The following VIRMA variants were observed in gnomAD, a reference collection of about 807,000 sequenced individuals.
VIRMA encodes the protein protein virilizer homolog.
Under a neutral mutation model 182.4 loss-of-function variants are expected in VIRMA, and 65 were observed. The ratio of observed to expected loss-of-function variants is 0.36; its 90% CI spans 0.29 to 0.44. The LOEUF (loss-of-function observed/expected upper bound fraction) is 0.44. Among genes scored for constraint, VIRMA ranks in the 20% least tolerant of loss-of-function variants. VIRMA has a pLI of 1.00. For missense variants in VIRMA, 1,752 were observed against 2,158.1 expected, an observed-to-expected ratio of 0.81 and a Z score of 3.73; for synonymous variants, 709 against 743.1, an observed-to-expected ratio of 0.95 and a Z score of 0.75.
At position 94,510,601 on chromosome 8, in the gene VIRMA, T is replaced by C. The variant is rs370398622; in HGVS notation, c.3442A>G (p.Ser1148Gly). The C allele has an allele frequency of 1.9e-6, 3 of 1,614,016 alleles. No individual in the cohort carries two copies. In the African/African-American group the frequency reaches 4.0e-5, roughly 22 times the overall value. The part of the protein sequence containing the change: ...SVALNTRKLW[S>G]MHLHVQAKLL... Reference sequence around the variant, plus strand: ...TTTGCTTGAACATGAAGGTGCATGCTCCACAATTTTCGGGTGTTGAGTGCC... The same window carrying C: ...TTTGCTTGAACATGAAGGTGCATGCCCCACAATTTTCGGGTGTTGAGTGCC... Residue 1148 changes from serine to glycine, a missense_variant, in exon 14 of 24, where the codon AGC (serine) becomes GGC (glycine). By Grantham distance (56) the Ser-to-Gly change is moderately conservative (BLOSUM62 0). Around this residue, in one of 11 missense-constraint regions of VIRMA, gnomAD observed 777 missense variants for 920.6 expected, o/e 0.84. Transcript: ENST00000297591.
At chr8:94,502,215 T>C (rs1029320930) in intron 16 of VIRMA, among the ~76,000 whole-genome samples, 10 of 151,992 alleles carry the variant, frequency 6.6e-5, no homozygotes, top group Non-Finnish European at 1.2e-4. Flanking sequence ...TTGCATGAAA[T>C]GTCTTTTTCA....
chr8:94,532,845 T>C (rs1815217433), intron 5 of VIRMA, among the ~76,000 whole-genome samples: 2 of 152,012 alleles, frequency 1.3e-5, no homozygotes, highest in African/African-American at 4.8e-5. Flanking sequence ...TCTATAGTCC[T>C]AGCTACTCCA....
chr8:94,538,850 G>A (rs1007770351), intron 2 of VIRMA, among the ~76,000 whole-genome samples: 1 of 152,100 alleles, frequency 6.6e-6, no homozygotes, highest in Non-Finnish European at 1.5e-5. Context: ...CTGACCTCAG[G>A]AGATTCACCC....
At chr8:94,498,160 T>C (rs1420235566) in intron 17 of VIRMA, 1 of 152,196 alleles carries the variant, frequency 6.6e-6, no homozygotes, top group Non-Finnish European at 1.5e-5. Flanking sequence ...TAGAGGCACA[T>C]GCCACCAAAC....
intron 5 of VIRMA, 112 bp from the exon 6 acceptor site, chr8:94,531,197 G>A: frequency 1.7e-6 from 2 of 1,181,998 alleles, no homozygotes; most frequent in East Asian, 2.8e-5. Flanking sequence ...AAAGCAAAGA[G>A]AGATCTAAAA....
At position 94,496,345 on chromosome 8, in the gene VIRMA, G is replaced by C; in HGVS notation, c.4366C>G (p.Leu1456Val). The C allele has an allele frequency of 6.2e-7, 1 of 1,611,812 alleles. No individual in the cohort carries two copies. The highest frequency in any genetic ancestry group is 8.5e-7 in the Non-Finnish European group (1 of 1,179,478). Reference sequence around the variant, plus strand: ...TTTTTTACCAAAACAAGCTTCTCTAGTTCAAGGAACAAATTTTCTGGACTT... The same window carrying C: ...TTTTTTACCAAAACAAGCTTCTCTACTTCAAGGAACAAATTTTCTGGACTT... ...EESPENLFLE[L>V]EKLVLEHSKD... Residue 1456 changes from leucine to valine, a missense_variant, in exon 18 of 24, where the codon CTA (leucine) becomes GTA (valine). By Grantham distance (32) the Leu-to-Val change is conservative (BLOSUM62 1). Around this residue, in one of 11 missense-constraint regions of VIRMA, gnomAD observed 777 missense variants for 920.6 expected, o/e 0.84. Transcript: ENST00000297591.
intron 16 of VIRMA, among the ~76,000 whole-genome samples, chr8:94,504,117 T>G (rs1411319101): frequency 1.3e-5 from 2 of 151,750 alleles, no homozygotes; most frequent in Admixed American, 6.6e-5. Context: ...GAGGTTGCTG[T>G]GAGCTGAGAT....
intron 18 of VIRMA, 127 bp from the exon 19 acceptor site, chr8:94,496,018 T>A: frequency 5.1e-6 from 4 of 785,868 alleles, no homozygotes; most frequent in Non-Finnish European, 7.8e-6. Context: ...CCAGAAATTA[T>A]TAACATTAAA....
intron 17 of VIRMA, chr8:94,496,772 T>C (rs1279634237): frequency 4.7e-5 from 12 of 256,206 alleles, no homozygotes; most frequent in Admixed American, 3.8e-4. Flanking sequence ...GACACACTGA[T>C]TGATGCTCAA....
intron 8 of VIRMA, among the ~76,000 whole-genome samples, chr8:94,523,861 G>C (rs540150109): frequency 6.6e-6 from 1 of 151,674 alleles, no homozygotes; most frequent in Non-Finnish European, 1.5e-5. Flanking sequence ...GCCCGATCTC[G>C]GCTCACCAGA....
intron 2 of VIRMA, among the ~76,000 whole-genome samples, chr8:94,538,595 G>A (rs945092736): frequency 7.2e-5 from 11 of 152,012 alleles, no homozygotes; most frequent in African/African-American, 2.7e-4. Context: ...CTTTTTGCAT[G>A]CTATCACTAT....
At chr8:94,499,344 A>G (rs780937847) in intron 17 of VIRMA, 30 bp downstream of exon 17, 1 of 1,460,136 alleles carries the variant, frequency 6.8e-7, no homozygotes, top group Admixed American at 2.1e-5. Context: ...ACATACATAT[A>G]TACACAAACA....
Position 94,500,499 on chromosome 8 carries a change from G to A in VIRMA, c.4098-993C>T, listed in dbSNP as rs117234595. ...CAATCTTTAAGTGAGTCATACTTCC[G>A]TGGTCTATCAAAAGCTGGGGACCTA... On this transcript the variant is annotated intron_variant, in intron 16 of 23. Transcript: ENST00000297591. 2.7e-3 allele frequency among the ~76,000 whole-genome samples: 404 copies of A among 152,226 alleles called. 3 individuals carry two copies. The highest frequency in any genetic ancestry group is 0.016 in the East Asian group (82 of 5,184).
At chr8:94,499,166 A>G (rs1015765997) in intron 17 of VIRMA, 2 of 360,718 alleles carry the variant, frequency 5.5e-6, no homozygotes, top group Non-Finnish European at 9.9e-6. Flanking sequence ...ACTTACGGCA[A>G]AGTATTTCTC....
At chr8:94,495,054 G>A (rs937786374) in intron 19 of VIRMA, 98 bp from the exon 20 acceptor site, 43 of 794,034 alleles carry the variant, frequency 5.4e-5, no homozygotes, top group African/African-American at 1.6e-4. Context: ...CAGCTGGAGC[G>A]CAGTGGCACG....
intron 11 of VIRMA, among the ~76,000 whole-genome samples, chr8:94,514,113 G>A (rs555639147): frequency 1.1e-3 from 164 of 151,954 alleles, no homozygotes; most frequent in African/African-American, 3.4e-3. Context: ...GCAAACACAC[G>A]TGCATGCATG....
At chr8:94,547,051 C>T in intron 1 of VIRMA, 1 of 455,128 alleles carries the variant, frequency 2.2e-6, no homozygotes, top group Admixed American at 2.4e-5. Context: ...AAAGCTGAGC[C>T]AGATCAAATC....
intron 8 of VIRMA, among the ~76,000 whole-genome samples, chr8:94,523,292 T>A (rs1814838685): frequency 6.6e-6 from 1 of 152,154 alleles, no homozygotes; most frequent in African/African-American, 2.4e-5. Flanking sequence ...TATAAATGAG[T>A]CATTATTCCC....
chr8:94,537,170 T>TA lies in VIRMA; in HGVS notation c.267-20dup, dbSNP rs780974626. On this transcript the variant is annotated intron_variant, in intron 3 of 23. Coordinates refer to ENST00000297591, the MANE Select transcript of VIRMA (RefSeq NM_015496.5). ...TTCCAGGCTGTCAAGAGAGTAGAAATAAATATGTAAGCTCAAACACTGAAC... is the reference window on the plus strand; with the variant it reads ...TTCCAGGCTGTCAAGAGAGTAGAAATAAAATATGTAAGCTCAAACACTGAAC... The TA allele has an allele frequency of 4.6e-6, 7 of 1,518,444 alleles. No homozygotes were observed. Among genetic ancestry groups the TA allele is most frequent in the Non-Finnish European group, 5.5e-6 (6 of 1,093,490 alleles). The allele number at this position is 1,518,444 out of a possible 1,614,324, so 94.1% of individuals were successfully genotyped here. A position where few individuals can be genotyped will look rare whatever the true frequency, so the allele number is the denominator to read the frequency against.
Sources: allele counts gnomAD v4.1 joint callset (sites outside exome capture counted in the v4.1 genomes callset), GRCh38; gene constraint gnomAD v4.1.1; regional missense constraint gnomAD v4.1.1; transcripts MANE v1.5; gene names NCBI Gene and HGNC (gene_info 2026-07-23, HGNC 2026-07-21).